Variants in CBL observed in about 807,000 individuals in gnomAD.
CBL encodes Cbl proto-oncogene, also known as E3 ubiquitin-protein ligase CBL.
In CBL, 45 loss-of-function variants were observed where a neutral mutation model predicts 96.9. The observed-to-expected ratio is 0.46, with a 90% confidence interval of 0.37 to 0.60. The LOEUF is 0.60. Among genes scored for constraint, CBL ranks in the 20% least tolerant of loss-of-function variants. The probability of loss-of-function intolerance (pLI) is 0.00; values close to 1 mark genes in which losing one functional copy is unlikely to be tolerated. For missense variants in CBL, 1,024 were observed against 1,143.5 expected (o/e 0.90, Z 1.51); for synonymous variants, 420 against 426.8 (o/e 0.98, Z 0.20).
intron 2 of CBL, among the ~76,000 whole-genome samples, chr11:119,264,262 T>A (rs1186054899): frequency 6.6e-6 from 1 of 152,214 alleles, no homozygotes; most frequent in African/African-American, 2.4e-5. Flanking sequence ...CTTGCTATGT[T>A]GCCCAGGCTG....
chr11:119,222,291 C>T (rs1949418021), intron 1 of CBL, among the ~76,000 whole-genome samples: 1 of 152,190 alleles, frequency 6.6e-6, no homozygotes, highest in Admixed American at 6.6e-5. Flanking sequence ...TTGTTGTTCT[C>T]TATAACTTTT....
intron 1 of CBL, among the ~76,000 whole-genome samples, chr11:119,215,872 G>A (rs971690077): frequency 6.6e-6 from 1 of 152,134 alleles, no homozygotes; most frequent in African/African-American, 2.4e-5. Flanking sequence ...CATTTAACAA[G>A]TCACTATGAA....
At chr11:119,281,891 T>C (rs1210418592) in intron 9 of CBL, among the ~76,000 whole-genome samples, 1 of 152,222 alleles carries the variant, frequency 6.6e-6, no homozygotes, top group African/African-American at 2.4e-5. Context: ...CTTTCTTTCA[T>C]TGAGCTAGGT....
rs1360123890 is a variant in CBL, at chr11:119,290,562, G to A, written c.2036+2616G>A. Among the ~76,000 whole-genome samples, 4 of 149,222 alleles carry A rather than the reference G, an allele frequency of 2.7e-5. No individual in the cohort carries two copies. In the East Asian group the frequency reaches 6.4e-4, roughly 24 times the overall value. On this transcript the variant is annotated intron_variant, in intron 12 of 15. Coordinates refer to ENST00000264033, the MANE Select transcript of CBL (RefSeq NM_005188.4). The stretch of plus-strand genomic sequence containing the variant: ...AGCTACTCAGGAGGCGGAGGTTGCA[G>A]TGAGCCGAGATCTTGCCACTGCACT...
intron 4 of CBL, 106 bp downstream of exon 4, chr11:119,274,130 A>T: frequency 1.1e-6 from 1 of 888,594 alleles, no homozygotes; most frequent in Non-Finnish European, 1.8e-6. Context: ...TCTGTATGAA[A>T]GTATTTTAAT....
intron 2 of CBL, 137 bp from the exon 3 acceptor site, chr11:119,271,598 A>G: frequency 1.3e-6 from 1 of 790,784 alleles, no homozygotes; most frequent in Admixed American, 2.3e-5. Flanking sequence ...AATACTGGCC[A>G]GAAAGAATAT....
At chr11:119,236,533 C>T (rs1320928651) in intron 2 of CBL, among the ~76,000 whole-genome samples, 1 of 149,190 alleles carries the variant, frequency 6.7e-6, no homozygotes, top group African/African-American at 2.5e-5. Flanking sequence ...TGATTATGTG[C>T]CAGTTTTTGT....
intron 12 of CBL, among the ~76,000 whole-genome samples, chr11:119,293,714 C>T (rs1950045001): frequency 6.6e-6 from 1 of 152,084 alleles, no homozygotes; most frequent in Admixed American, 6.5e-5. Context: ...TTTCTGTTGT[C>T]ATAACAGAAT....
intron 2 of CBL, among the ~76,000 whole-genome samples, chr11:119,234,632 T>C (rs996752640): frequency 1.3e-5 from 2 of 152,186 alleles, no homozygotes; most frequent in Non-Finnish European, 2.9e-5. Flanking sequence ...AATAGAGATA[T>C]GTACAAAATT....
chr11:119,247,641 T>C (rs1478149508), intron 2 of CBL, among the ~76,000 whole-genome samples: 1 of 152,080 alleles, frequency 6.6e-6, no homozygotes, highest in East Asian at 1.9e-4. Flanking sequence ...TGAAACCCTG[T>C]CTCTACTAAA....
intron 7 of CBL, 84 bp downstream of exon 7, chr11:119,277,928 C>T: frequency 5.0e-6 from 5 of 1,007,326 alleles, no homozygotes; most frequent in Non-Finnish European, 7.8e-6. Flanking sequence ...TAATTGAATT[C>T]ATTGGAACCC....
intron 2 of CBL, among the ~76,000 whole-genome samples, chr11:119,270,390 C>T (rs1241838077): frequency 1.5e-5 from 2 of 137,060 alleles, no homozygotes; most frequent in African/African-American, 2.8e-5. Context: ...AGGTTACAGG[C>T]GCACACCACC....
At chr11:119,228,474 C>T (rs954880435) in intron 1 of CBL, among the ~76,000 whole-genome samples, 9 of 151,994 alleles carry the variant, frequency 5.9e-5, no homozygotes, top group Admixed American at 3.3e-4. Flanking sequence ...GGCATGGTGG[C>T]GCATGCCAGT....
Position 119,232,789 on chromosome 11 carries a change from T to G in CBL, c.443+94T>G, listed in dbSNP as rs573218807. On this transcript the variant is annotated intron_variant, in intron 2 of 15. Coordinates refer to ENST00000264033, the MANE Select transcript of CBL (RefSeq NM_005188.4). ...TAGTTGAGTTGGTTTTAATTTTATG[T>G]TAGTAGGAATGGAAAGTTGACATTT... 4 of 1,217,910 alleles carry G rather than the reference T, an allele frequency of 3.3e-6. No individual in the cohort carries two copies. The South Asian group carries it at 5.0e-5, about 15-fold the overall frequency. 75.4% of individuals were successfully genotyped at this position (1,217,910 alleles called of 1,614,324 possible). A position where few individuals can be genotyped will look rare whatever the true frequency, so the allele number is the denominator to read the frequency against.
At chr11:119,246,435 A>G (rs1949632611) in intron 2 of CBL, among the ~76,000 whole-genome samples, 1 of 151,944 alleles carries the variant, frequency 6.6e-6, no homozygotes, top group Non-Finnish European at 1.5e-5. Context: ...ATACTTTACC[A>G]AAACTGAACG....
intron 14 of CBL, 38 bp downstream of exon 14, chr11:119,297,519 T>C (rs1210598997): frequency 2.1e-6 from 3 of 1,406,716 alleles, no homozygotes; most frequent in Admixed American, 1.7e-5. Flanking sequence ...ATCATTGATA[T>C]GTCATAGGAA....
chr11:119,223,184 CTTTTTTTTTTTTTTT>C (rs1167302746), intron 1 of CBL, among the ~76,000 whole-genome samples: 7 of 67,156 alleles, frequency 1.0e-4, no homozygotes, highest in East Asian at 6.8e-4. Flanking sequence ...CACACCCTTC[CTTTTTTTTTTTTTTT>C]TTTTTTTTTT....
chr11:119,270,020 C>T (rs1448047121), intron 2 of CBL, among the ~76,000 whole-genome samples: 5 of 151,880 alleles, frequency 3.3e-5, no homozygotes, highest in Admixed American at 2.6e-4. Context: ...AAATAAAGTA[C>T]ATTTATATGA....
chr11:119,301,695 T>C lies in CBL; in HGVS notation c.*1914T>C, dbSNP rs941573603. The C allele has an allele frequency of 1.7e-5, 4 of 233,168 alleles. No homozygotes were observed. The highest frequency in any genetic ancestry group is 8.8e-5 in the African/African-American group (4 of 45,330). The allele number at this position is 233,168 out of a possible 1,614,324, so 14.4% of individuals were successfully genotyped here. A position where few individuals can be genotyped will look rare whatever the true frequency, so the allele number is the denominator to read the frequency against. ...TGATTTGCTGTGGTTACCCAGTGTC[T>C]TCTCTACATGGCATAAAGCGGCAAA... On this transcript the variant is annotated 3_prime_UTR_variant, in exon 16 of 16. Transcript: ENST00000264033.
Sources: allele counts gnomAD v4.1 joint callset (sites outside exome capture counted in the v4.1 genomes callset), GRCh38; gene constraint gnomAD v4.1.1; transcripts MANE v1.5; gene names NCBI Gene and HGNC (gene_info 2026-07-23, HGNC 2026-07-21).